TRIO: variants seen among roughly 807,000 people sequenced by gnomAD.
The protein encoded by TRIO is triple functional domain protein.
In TRIO, 58 loss-of-function variants were observed where a neutral mutation model predicts 351.9. That is an observed-to-expected ratio of 0.16 (90% CI 0.13 to 0.21). The LOEUF (loss-of-function observed/expected upper bound fraction) is 0.21. TRIO is among the 10% of genes least tolerant of loss of function. The pLI is 1.00. For synonymous variants in TRIO, 1,758 were observed against 1,595.7 expected (o/e 1.10, Z -2.42); for missense variants, 3,201 against 4,027.8 (o/e 0.79, Z 5.56).
At chr5:14,244,207 A>C (rs902410928) in intron 1 of TRIO, among the ~76,000 whole-genome samples, 7 of 152,252 alleles carry the variant, frequency 4.6e-5, no homozygotes, top group Admixed American at 3.3e-4. Context: ...TTTCACAAAG[A>C]TATTTACAAT....
intron 37 of TRIO, among the ~76,000 whole-genome samples, chr5:14,470,192 G>T (rs1754582944): frequency 6.6e-6 from 1 of 152,102 alleles, no homozygotes; most frequent in African/African-American, 2.4e-5. Flanking sequence ...TAGCTCCATG[G>T]GTTTTAACAA....
intron 1 of TRIO, among the ~76,000 whole-genome samples, chr5:14,190,550 G>C (rs1790391632): frequency 6.6e-6 from 1 of 152,090 alleles, no homozygotes; most frequent in Admixed American, 6.6e-5. Flanking sequence ...AGTGCATTTG[G>C]TGCCGTGGAA....
chr5:14,337,093 G>A (rs1741485286), intron 11 of TRIO, among the ~76,000 whole-genome samples: 1 of 152,142 alleles, frequency 6.6e-6, no homozygotes, highest in Non-Finnish European at 1.5e-5. Flanking sequence ...ATTGCCTCTG[G>A]ATTTTACGAG....
intron 8 of TRIO, among the ~76,000 whole-genome samples, chr5:14,311,969 T>C (rs1032356332): frequency 2.0e-5 from 3 of 152,252 alleles, no homozygotes; most frequent in East Asian, 1.9e-4. Context: ...CTAATTGATA[T>C]GCTGTCACTC....
intron 34 of TRIO, among the ~76,000 whole-genome samples, chr5:14,458,433 G>A (rs960866498): frequency 6.6e-6 from 1 of 152,150 alleles, no homozygotes; most frequent in African/African-American, 2.4e-5. Flanking sequence ...GCCAGCTTCA[G>A]TGCCATCTCC....
intron 1 of TRIO, among the ~76,000 whole-genome samples, chr5:14,169,476 C>A (rs1788973385): frequency 6.6e-6 from 1 of 152,068 alleles, no homozygotes; most frequent in Admixed American, 6.6e-5. Flanking sequence ...GTGTCTTTAC[C>A]ATTGAGTCCC....
At chr5:14,261,567 C>G (rs993586658) in intron 1 of TRIO, among the ~76,000 whole-genome samples, 3 of 152,194 alleles carry the variant, frequency 2.0e-5, no homozygotes, top group African/African-American at 7.2e-5. Flanking sequence ...TTTACAAAAT[C>G]TCATAATGAA....
Position 14,504,470 on chromosome 5 carries a change from A to T in TRIO, c.8489A>T (p.Lys2830Met). ...RAVATKFVNK[K>M]LMKRDQVTHE... ...GTGGCCACTAAGTTTGTGAACAAGA[A>T]GTTGATGAAGCGCGACCAGGTCACC... Residue 2830 changes from lysine to methionine, a missense_variant, in exon 55 of 57, where the codon AAG (lysine) becomes ATG (methionine). Around this residue, in one of 19 missense-constraint regions of TRIO, gnomAD observed 1,089 missense variants for 954.9 expected, o/e 1.14. Coordinates refer to ENST00000344204, the MANE Select transcript of TRIO (RefSeq NM_007118.4). 6.2e-7 allele frequency: 1 copy of T among 1,614,166 alleles called. No individual in the cohort carries two copies. Among genetic ancestry groups the T allele is most frequent in the Non-Finnish European group, 8.5e-7 (1 of 1,180,022 alleles).
chr5:14,374,680 A>G (rs1042301469), intron 19 of TRIO, among the ~76,000 whole-genome samples: 8 of 152,218 alleles, frequency 5.3e-5, no homozygotes, highest in Non-Finnish European at 7.3e-5. Flanking sequence ...AGAGTTATCT[A>G]TAGGCAAAGG....
At chr5:14,263,270 A>T (rs1435174472) in intron 1 of TRIO, among the ~76,000 whole-genome samples, 1 of 152,182 alleles carries the variant, frequency 6.6e-6, no homozygotes, top group African/African-American at 2.4e-5. Flanking sequence ...CCCCAACTCC[A>T]TGCAGAGCTA....
intron 27 of TRIO, among the ~76,000 whole-genome samples, chr5:14,393,650 C>G (rs1561434852): frequency 6.6e-6 from 1 of 152,288 alleles, no homozygotes; most frequent in East Asian, 1.9e-4. Context: ...GTGAGTAGCA[C>G]AGACAGGGCC....
At chr5:14,192,809 A>G (rs1790536421) in intron 1 of TRIO, among the ~76,000 whole-genome samples, 1 of 152,210 alleles carries the variant, frequency 6.6e-6, no homozygotes, top group South Asian at 2.1e-4. Context: ...TGCCCTTAAA[A>G]TAAAAAATTC....
chr5:14,305,258 C>G (rs1161117475), intron 8 of TRIO, among the ~76,000 whole-genome samples: 1 of 152,220 alleles, frequency 6.6e-6, no homozygotes, highest in African/African-American at 2.4e-5. Context: ...CAGTCACCAC[C>G]CTCTGCGGCC....
At chr5:14,375,984 TTATTGTCATCAAAAATGATGACACCA>T (rs1259429262) in intron 19 of TRIO, among the ~76,000 whole-genome samples, 1 of 152,190 alleles carries the variant, frequency 6.6e-6, no homozygotes, top group Non-Finnish European at 1.5e-5. Flanking sequence ...AAGGCATTTT[TTATTGTCATCAAAAATGATGACACCA>T]TATTGTCACC....
intron 1 of TRIO, among the ~76,000 whole-genome samples, chr5:14,242,751 A>T (rs983499736): frequency 2.6e-5 from 4 of 151,808 alleles, no homozygotes; most frequent in Non-Finnish European, 4.4e-5. Flanking sequence ...CTTTTAAAAC[A>T]TTTTTTTTAC....
At chr5:14,389,015 A>G (rs886864005) in intron 24 of TRIO, among the ~76,000 whole-genome samples, 2 of 152,216 alleles carry the variant, frequency 1.3e-5, no homozygotes, top group African/African-American at 4.8e-5. Context: ...ACTCAGTGGT[A>G]TCAGGAATAT....
chr5:14,219,927 TGA>T (rs1188298967), intron 1 of TRIO, among the ~76,000 whole-genome samples: 4 of 151,530 alleles, frequency 2.6e-5, no homozygotes, highest in Non-Finnish European at 5.9e-5. Flanking sequence ...AGTGATTTTG[TGA>T]GTCTCTAAAG....
rs574432680 is a variant in TRIO at position 14,509,743 on chromosome 5, C to T, written c.*1321C>T. ...CCGAGTCACTGTGGCAGCATTCGCA[C>T]TGGTGTGGGGAGTCCTTTCAACTCA... On this transcript the variant is annotated 3_prime_UTR_variant, in exon 57 of 57. Transcript: ENST00000344204. 1 of 313,502 alleles carries T rather than the reference C, an allele frequency of 3.2e-6. No individual in the cohort carries two copies. Among genetic ancestry groups the T allele is most frequent in the South Asian group, 2.5e-5 (1 of 39,314 alleles). The allele number at this position is 313,502 out of a possible 1,614,324, so 19.4% of individuals were successfully genotyped here. A position where few individuals can be genotyped will look rare whatever the true frequency, so the allele number is the denominator to read the frequency against.
chr5:14,336,128 G>C (rs1413292147), intron 10 of TRIO, among the ~76,000 whole-genome samples: 1 of 152,192 alleles, frequency 6.6e-6, no homozygotes, highest in Non-Finnish European at 1.5e-5. Context: ...GTAAAGCATT[G>C]TATCATACGG....
Sources: allele counts gnomAD v4.1 joint callset (sites outside exome capture counted in the v4.1 genomes callset), GRCh38; gene constraint gnomAD v4.1.1; regional missense constraint gnomAD v4.1.1; transcripts MANE v1.5; gene names NCBI Gene and HGNC (gene_info 2026-07-23, HGNC 2026-07-21).